Variants in SEMA6A observed in about 807,000 individuals in gnomAD.
The protein encoded by SEMA6A is semaphorin-6A.
SEMA6A carries 25 observed loss-of-function variants against 96.8 expected under a neutral mutation model. The observed-to-expected ratio is 0.26, with a 90% CI of 0.19 to 0.36. The LOEUF is 0.36. Among genes scored for constraint, SEMA6A ranks in the 10% least tolerant of loss-of-function variants. SEMA6A has a pLI of 1.00. For synonymous variants in SEMA6A, 612 were observed against 518.0 expected, an observed-to-expected ratio of 1.18 and a Z score of -2.46; for missense variants, 1,363 against 1,323.1, an observed-to-expected ratio of 1.03 and a Z score of -0.47.
intron 10 of SEMA6A, 35 bp from the exon 11 acceptor site, chr5:116,482,610 T>C: frequency 6.2e-7 from 1 of 1,611,036 alleles, no homozygotes; most frequent in Non-Finnish European, 8.5e-7. Flanking sequence ...GTGTTACTCA[T>C]GCAATGGTTA....
At chr5:116,494,409 G>C (rs1355342393) in intron 6 of SEMA6A, among the ~76,000 whole-genome samples, 1 of 152,128 alleles carries the variant, frequency 6.6e-6, no homozygotes, top group Non-Finnish European at 1.5e-5. Flanking sequence ...TTAGGTTCTG[G>C]AGAATCACAG....
intron 1 of SEMA6A, among the ~76,000 whole-genome samples, chr5:116,515,199 AG>A (rs1196600132): frequency 1.3e-5 from 2 of 152,218 alleles, no homozygotes; most frequent in Non-Finnish European, 2.9e-5. Flanking sequence ...AAATTAGACT[AG>A]TTCATTCTTT....
chr5:116,494,643 C>T (rs972844059), intron 6 of SEMA6A, among the ~76,000 whole-genome samples: 5 of 152,184 alleles, frequency 3.3e-5, no homozygotes, highest in Non-Finnish European at 7.3e-5. Context: ...GTTTTCTTCT[C>T]CCTGCCTGGC....
chr5:116,473,054 A>C lies in SEMA6A; in HGVS notation c.1729+19T>G, dbSNP rs1259065405. ...AGGTTTCCACCAGTATGGAATTATGAGAGTAATATCTTCCTTACCATTCAG... is the reference window on the plus strand; with the variant it reads ...AGGTTTCCACCAGTATGGAATTATGCGAGTAATATCTTCCTTACCATTCAG... On this transcript the variant is annotated intron_variant, in intron 17 of 18. Coordinates refer to ENST00000343348, the MANE Select transcript of SEMA6A (RefSeq NM_020796.5). The C allele has an allele frequency of 1.3e-6, 2 of 1,587,604 alleles. No homozygotes were observed. Among genetic ancestry groups the C allele is most frequent in the Non-Finnish European group, 1.7e-6 (2 of 1,165,408 alleles).
chr5:116,565,473 CAAG>C (rs774984623), intron 1 of SEMA6A, among the ~76,000 whole-genome samples: 42 of 152,298 alleles, frequency 2.8e-4, no homozygotes, highest in Non-Finnish European at 4.3e-4. Flanking sequence ...ATTCATGATA[CAAG>C]AAGAATTAGC....
In SEMA6A at chr5:116,497,305, A is replaced by G. The variant is rs764137426; in HGVS notation, c.279+22T>C. On this transcript the variant is annotated intron_variant, in intron 4 of 18. Coordinates refer to ENST00000343348, the MANE Select transcript of SEMA6A (RefSeq NM_020796.5). ...TATCCAAAGGTCCTTCATTTTACAA[A>G]TATAGTTTTAAAACAACTTACTTTG... 20 of 1,466,718 alleles carry G rather than the reference A, an allele frequency of 1.4e-5. No homozygotes were observed. The South Asian group carries it at 1.9e-4, about 14-fold the overall frequency. 90.9% of individuals were successfully genotyped at this position (1,466,718 alleles called of 1,614,324 possible). A position where few individuals can be genotyped will look rare whatever the true frequency, so the allele number is the denominator to read the frequency against.
chr5:116,467,859 TG>T (rs1403108676), intron 17 of SEMA6A, 112 bp from the exon 18 acceptor site: 13 of 1,019,892 alleles, frequency 1.3e-5, no homozygotes, highest in Non-Finnish European at 1.8e-5. Flanking sequence ...TGAGAGGAGA[TG>T]GCCCTAGAAA....
At chr5:116,487,227 G>C (rs2287685) in intron 9 of SEMA6A, 61,204 of 401,346 alleles carry the variant, frequency 0.15, 4,880 homozygotes, top group East Asian at 0.26. Context: ...GCCACATAAA[G>C]TCATTTCCAT....
intron 18 of SEMA6A, among the ~76,000 whole-genome samples, chr5:116,456,934 A>C (rs1019174650): frequency 6.6e-6 from 1 of 152,208 alleles, no homozygotes; most frequent in Non-Finnish European, 1.5e-5. Flanking sequence ...GACGAGAGAA[A>C]AGAAACTCAC....
intron 17 of SEMA6A, among the ~76,000 whole-genome samples, chr5:116,469,851 T>C (rs1756000540): frequency 6.6e-6 from 1 of 152,202 alleles, no homozygotes. Context: ...GAAATTAATG[T>C]GGACCAGATG....
chr5:116,561,694 G>A (rs552015363), intron 1 of SEMA6A, among the ~76,000 whole-genome samples: 14 of 152,346 alleles, frequency 9.2e-5, no homozygotes, highest in Admixed American at 3.9e-4. Context: ...AGAACTGGAT[G>A]TAGCTGTTTT....
chr5:116,573,253 T>C (rs950507852), intron 1 of SEMA6A, among the ~76,000 whole-genome samples: 2 of 152,162 alleles, frequency 1.3e-5, no homozygotes, highest in Non-Finnish European at 2.9e-5. Context: ...AGCCCTAGTC[T>C]GGGTTTCAAA....
At chr5:116,560,614 A>C (rs1357576965) in intron 1 of SEMA6A, among the ~76,000 whole-genome samples, 1 of 152,022 alleles carries the variant, frequency 6.6e-6, no homozygotes, top group East Asian at 1.9e-4. Context: ...GATATTCCTG[A>C]CAGAGTATCT....
At chr5:116,547,108 G>A (rs1580502037) in intron 1 of SEMA6A, among the ~76,000 whole-genome samples, 1 of 151,924 alleles carries the variant, frequency 6.6e-6, no homozygotes, top group Non-Finnish European at 1.5e-5. Context: ...GATTTTCCTG[G>A]TACTCTAAAA....
chr5:116,510,201 C>G (rs970101778), intron 1 of SEMA6A, among the ~76,000 whole-genome samples: 1 of 152,200 alleles, frequency 6.6e-6, no homozygotes, highest in Non-Finnish European at 1.5e-5. Flanking sequence ...CAGTTCTAAT[C>G]TGACCACAGA....
At chr5:116,550,120 T>C (rs767475440) in intron 1 of SEMA6A, 6 of 152,090 alleles carry the variant, frequency 3.9e-5, no homozygotes, top group Non-Finnish European at 7.3e-5. Flanking sequence ...ATCACAGTCA[T>C]TGTCATTTTA....
intron 18 of SEMA6A, among the ~76,000 whole-genome samples, chr5:116,466,462 C>T (rs1330769606): frequency 1.3e-5 from 2 of 151,698 alleles, no homozygotes; most frequent in African/African-American, 2.4e-5. Context: ...TAAGAGGACA[C>T]GCTCAAGAAC....
intron 1 of SEMA6A, among the ~76,000 whole-genome samples, chr5:116,571,475 A>G (rs1232713415): frequency 1.3e-5 from 2 of 152,212 alleles, no homozygotes; most frequent in Non-Finnish European, 2.9e-5. Context: ...AAGTTGAAAA[A>G]TGACTCATAA....
intron 1 of SEMA6A, among the ~76,000 whole-genome samples, chr5:116,570,642 A>G (rs1761175532): frequency 6.6e-6 from 1 of 152,208 alleles, no homozygotes; most frequent in South Asian, 2.1e-4. Flanking sequence ...AGATGGAGAG[A>G]CTATATTAGC....
Sources: allele counts gnomAD v4.1 joint callset (sites outside exome capture counted in the v4.1 genomes callset), GRCh38; gene constraint gnomAD v4.1.1; transcripts MANE v1.5; gene names NCBI Gene and HGNC (gene_info 2026-07-23, HGNC 2026-07-21).